Variants in FRMD4A observed in about 807,000 individuals in gnomAD.
FRMD4A encodes the protein FERM domain containing 4A, also known as FERM domain-containing protein 4A.
In FRMD4A, 29 loss-of-function variants were observed where a neutral mutation model predicts 129.1. That is an observed-to-expected ratio of 0.22 (90% CI 0.17 to 0.31). FRMD4A has a LOEUF of 0.31. FRMD4A is among the 10% of genes least tolerant of loss of function. The pLI is 1.00. For synonymous variants in FRMD4A, 634 were observed against 571.6 expected (o/e 1.11, Z -1.56); for missense variants, 1,272 against 1,375.8 (o/e 0.92, Z 1.19).
Position 13,807,997 on chromosome 10 carries a change from C to A in FRMD4A, c.206+2817G>T, listed in dbSNP as rs529494480. On this transcript the variant is annotated intron_variant, in intron 4 of 24. Coordinates refer to ENST00000357447, the MANE Select transcript of FRMD4A (RefSeq NM_018027.5). ...TATTTTTAGTAGAGACGGGGTTTCACCATGTTGGCCAGGCTGGTCTCGAAC... is the reference window on the plus strand; with the variant it reads ...TATTTTTAGTAGAGACGGGGTTTCAACATGTTGGCCAGGCTGGTCTCGAAC... Among the ~76,000 whole-genome samples the A allele has an allele frequency of 3.2e-4, 49 of 152,160 alleles. No homozygotes were observed. In the South Asian group the frequency reaches 9.5e-3, roughly 30 times the overall value.
chr10:13,854,337 G>GC (rs1264977687), intron 3 of FRMD4A, among the ~76,000 whole-genome samples: 1 of 152,054 alleles, frequency 6.6e-6, no homozygotes, highest in African/African-American at 2.4e-5. Flanking sequence ...AACATGCTCC[G>GC]CCCCCCATAT....
Position 13,804,862 on chromosome 10 carries a change from C to T in FRMD4A, c.206+5952G>A, listed in dbSNP as rs1219028787. Among the ~76,000 whole-genome samples the T allele has an allele frequency of 2.0e-5, 3 of 151,906 alleles. No homozygotes were observed. In the East Asian group the frequency reaches 5.8e-4, roughly 29 times the overall value. On this transcript the variant is annotated intron_variant, in intron 4 of 24. Coordinates refer to ENST00000357447, the MANE Select transcript of FRMD4A (RefSeq NM_018027.5). ...TGTGAACCACCGTGCTCAGCCAGGC[C>T]ATTTTAACCTTAATAGTTTGGGTAA...
intron 2 of FRMD4A, among the ~76,000 whole-genome samples, chr10:14,100,259 T>C (rs1339639316): frequency 2.0e-5 from 3 of 152,216 alleles, no homozygotes; most frequent in East Asian, 1.9e-4. Flanking sequence ...GTTTTGTATC[T>C]GAAGTAGCAT....
At chr10:13,654,928 G>A (rs1435072928) in intron 22 of FRMD4A, 2 of 182,828 alleles carry the variant, frequency 1.1e-5, no homozygotes, top group Non-Finnish European at 2.3e-5. Context: ...CTGGCCCCAG[G>A]GCATTTTCAG....
chr10:14,284,252 A>G (rs1015941665), intron 2 of FRMD4A, among the ~76,000 whole-genome samples: 48 of 152,186 alleles, frequency 3.2e-4, no homozygotes, highest in African/African-American at 1.1e-3. Context: ...ATAATCATCA[A>G]ATAAACTCTA....
chr10:13,937,120 TG>T (rs1166154837), intron 2 of FRMD4A, among the ~76,000 whole-genome samples: 1 of 152,226 alleles, frequency 6.6e-6, no homozygotes, highest in Non-Finnish European at 1.5e-5. Context: ...GTGACATTTC[TG>T]CAAACCTTTT....
chr10:14,014,991 T>TCTTC (rs57961753), intron 2 of FRMD4A, among the ~76,000 whole-genome samples: 121,061 of 133,138 alleles, frequency 0.91, 55,178 homozygotes, highest in Non-Finnish European at 0.93. Context: ...TTTCATCCTT[T>TCTTC]CTTATCTCCT....
chr10:14,073,126 C>T (rs1051876511), intron 2 of FRMD4A, among the ~76,000 whole-genome samples: 1 of 152,214 alleles, frequency 6.6e-6, no homozygotes, highest in African/African-American at 2.4e-5. Flanking sequence ...CCAGGAAACC[C>T]AGGGTACCTC....
At chr10:13,648,015 CA>C (rs1306399372) in intron 24 of FRMD4A, 1 of 145,398 alleles carries the variant, frequency 6.9e-6, no homozygotes, top group East Asian at 2.1e-4. Flanking sequence ...ATTTCGGTAC[CA>C]AACACAGCTT....
intron 2 of FRMD4A, among the ~76,000 whole-genome samples, chr10:13,912,682 C>G (rs2094955318): frequency 1.3e-5 from 2 of 152,084 alleles, no homozygotes; most frequent in African/African-American, 4.8e-5. Context: ...GCGCCACCAC[C>G]ATGCCCGGCT....
intron 2 of FRMD4A, among the ~76,000 whole-genome samples, chr10:14,050,229 T>C (rs1834194452): frequency 6.6e-6 from 1 of 152,220 alleles, no homozygotes. Flanking sequence ...GTGACTGCTC[T>C]CACTCACCAA....
intron 18 of FRMD4A, among the ~76,000 whole-genome samples, chr10:13,664,004 C>A (rs548210918): frequency 6.6e-6 from 1 of 152,332 alleles, no homozygotes; most frequent in South Asian, 2.1e-4. Flanking sequence ...GTGCTAAATA[C>A]AGGCTCCATC....
At chr10:13,822,047 C>T (rs555113985) in intron 3 of FRMD4A, among the ~76,000 whole-genome samples, 46 of 151,890 alleles carry the variant, frequency 3.0e-4, no homozygotes, top group East Asian at 2.5e-3. Context: ...GAAATGGAAA[C>T]GATATATATA....
intron 2 of FRMD4A, among the ~76,000 whole-genome samples, chr10:13,887,497 G>A (rs2094637979): frequency 1.3e-5 from 2 of 152,160 alleles, no homozygotes; most frequent in Middle Eastern, 3.4e-3. Context: ...TGGCCAACAT[G>A]GTGAAACCCC....
At position 13,796,502 on chromosome 10, in the gene FRMD4A, C is replaced by G. The variant is rs1479083699; in HGVS notation, c.293G>C (p.Cys98Ser). The G allele has an allele frequency of 6.6e-7, 1 of 1,526,040 alleles. No individual in the cohort carries two copies. Among genetic ancestry groups the G allele is most frequent in the African/African-American group, 1.4e-5 (1 of 73,326 alleles). The allele number at this position is 1,526,040 out of a possible 1,614,324, so 94.5% of individuals were successfully genotyped here. ...AGACACCAGGTGTACATACCTGACA[C>G]AAAAGTATAAAACCACGGGTCCTGA... Reference protein sequence around the residue: ...KKSGPVVLYFCVRFYIESISY... With the variant: ...KKSGPVVLYFSVRFYIESISY... The change falls in exon 5 of 25, where the codon TGT becomes TCT. Residue 98 changes from cysteine (C) to serine (S), a missense_variant. Physicochemically the swap from Cys to Ser is moderately radical, Grantham distance 112 (BLOSUM62 -1). Transcript: ENST00000357447.
At chr10:13,847,244 C>T (rs559608343) in intron 3 of FRMD4A, among the ~76,000 whole-genome samples, 1 of 152,260 alleles carries the variant, frequency 6.6e-6, no homozygotes, top group South Asian at 2.1e-4. Context: ...TGGGCGGCCC[C>T]AGGGGTGGGA....
intron 2 of FRMD4A, among the ~76,000 whole-genome samples, chr10:14,126,973 G>C (rs1838877682): frequency 6.6e-6 from 1 of 152,176 alleles, no homozygotes; most frequent in African/African-American, 2.4e-5. Context: ...CAGACTCTAG[G>C]GTCACAACAG....
chr10:14,146,133 T>C (rs1840063295), intron 2 of FRMD4A, among the ~76,000 whole-genome samples: 1 of 152,200 alleles, frequency 6.6e-6, no homozygotes, highest in Non-Finnish European at 1.5e-5. Flanking sequence ...GTAAAAGGAC[T>C]CTTAGAGTCA....
intron 21 of FRMD4A, among the ~76,000 whole-genome samples, chr10:13,658,944 T>C (rs899539970): frequency 6.6e-6 from 1 of 151,260 alleles, no homozygotes; most frequent in African/African-American, 2.4e-5. Context: ...TTTGCCTGGC[T>C]CTTTTGCTCT....
Sources: allele counts gnomAD v4.1 joint callset (sites outside exome capture counted in the v4.1 genomes callset), GRCh38; gene constraint gnomAD v4.1.1; transcripts MANE v1.5; gene names NCBI Gene and HGNC (gene_info 2026-07-23, HGNC 2026-07-21).